Variants in NEDD1 observed in about 807,000 individuals in gnomAD.
The protein encoded by NEDD1 is protein NEDD1.
In NEDD1, 33 loss-of-function variants were observed where a neutral mutation model predicts 74.0. The ratio of observed to expected loss-of-function variants is 0.45; its 90% CI spans 0.34 to 0.60. The LOEUF (loss-of-function observed/expected upper bound fraction) is 0.60. Among genes scored for constraint, NEDD1 ranks in the 20% least tolerant of loss-of-function variants. NEDD1 has a pLI of 0.01. For missense variants in NEDD1, 746 were observed against 776.5 expected, an observed-to-expected ratio of 0.96 and a Z score of 0.47; for synonymous variants, 250 against 264.4, an observed-to-expected ratio of 0.95 and a Z score of 0.53.
At chr12:96,943,487 C>A (rs1199400054) in intron 11 of NEDD1, 73 bp from the exon 12 acceptor site, 4 of 946,826 alleles carry the variant, frequency 4.2e-6, no homozygotes, top group Non-Finnish European at 6.7e-6. Flanking sequence ...ATCTGCCTAT[C>A]ATGTTAAATG....
chr12:96,910,443 A>G (rs1281030544), intron 3 of NEDD1, among the ~76,000 whole-genome samples: 1 of 152,200 alleles, frequency 6.6e-6, no homozygotes, highest in Non-Finnish European at 1.5e-5. Flanking sequence ...CAGACATAGT[A>G]AAGTTACCTA....
At chr12:96,924,591 T>C (rs1875486606) in intron 6 of NEDD1, among the ~76,000 whole-genome samples, 1 of 152,170 alleles carries the variant, frequency 6.6e-6, no homozygotes, top group Non-Finnish European at 1.5e-5. Flanking sequence ...TTTGTTAAAT[T>C]TTATTTTCCT....
chr12:96,932,463 A>AAAAAAATATATATATATATATATATATAT, intron 6 of NEDD1, among the ~76,000 whole-genome samples: 1 of 9,436 alleles, frequency 1.1e-4, no homozygotes, highest in African/African-American at 3.4e-4. Context: ...AAAAAAAAAA[A>AAAAAAATATATATATATATATATATATAT]ATATATATAT....
chr12:96,943,576 G>A lies in NEDD1; in HGVS notation c.1311G>A (p.Pro437=), dbSNP rs780673796. 12 of 1,612,326 alleles carry A rather than the reference G, an allele frequency of 7.4e-6. No individual in the cohort carries two copies. Among genetic ancestry groups the A allele is most frequent in the East Asian group, 4.5e-5 (2 of 44,842 alleles). Residue 437 remains proline, a synonymous_variant, in exon 12 of 16, where the codon CCG becomes CCA. Transcript: ENST00000266742. ...IGKGDGFDFL[P]QLNSVFPPRK... The stretch of plus-strand genomic sequence containing the variant: ...CTTTTCCAGGCTTTGACTTTCTACC[G>A]CAGTTGAACTCAGTGTTTCCTCCAA...
At chr12:96,909,996 T>G (rs1873748109) in intron 3 of NEDD1, 101 bp downstream of exon 3, 1 of 1,276,908 alleles carries the variant, frequency 7.8e-7, no homozygotes, top group Non-Finnish European at 1.1e-6. Flanking sequence ...TCATACTGAG[T>G]AATGTGTTTT....
intron 10 of NEDD1, among the ~76,000 whole-genome samples, chr12:96,941,618 C>A (rs1366737081): frequency 2.0e-5 from 3 of 151,948 alleles, no homozygotes; most frequent in Non-Finnish European, 4.4e-5. Flanking sequence ...TGCTGAATTG[C>A]GAGTTTTGGC....
intron 9 of NEDD1, among the ~76,000 whole-genome samples, chr12:96,939,481 C>T (rs1170417087): frequency 1.3e-5 from 2 of 151,960 alleles, no homozygotes; most frequent in African/African-American, 2.4e-5. Context: ...TTTTATTCGC[C>T]AGTCTTGGGC....
In NEDD1 at chr12:96,944,692, A is replaced by G. The variant is rs768677341; in HGVS notation, c.1551A>G (p.Pro517=). 6.2e-6 allele frequency: 10 copies of G among 1,602,716 alleles called. No homozygotes were observed. The South Asian group carries it at 1.0e-4, about 16-fold the overall frequency. ...AAAGTGGAAATCTAAATACCTCTCC[A>G]TCATCTAACCAAACAAGAAATTCTG... ...GAESGNLNTS[P]SSNQTRNSEK... The change falls in exon 13 of 16, where the codon CCA becomes CCG. Residue 517 remains proline (P), a synonymous_variant. Coordinates refer to ENST00000266742, the MANE Select transcript of NEDD1 (RefSeq NM_152905.4).
intron 12 of NEDD1, among the ~76,000 whole-genome samples, chr12:96,944,360 G>A (rs1877979489): frequency 6.6e-6 from 1 of 151,806 alleles, no homozygotes; most frequent in African/African-American, 2.4e-5. Flanking sequence ...TTTTGTTTTT[G>A]TTTTGCCAGT....
chr12:96,946,017 T>G (rs531574325), intron 14 of NEDD1, among the ~76,000 whole-genome samples, 168 bp downstream of exon 14: 4 of 152,276 alleles, frequency 2.6e-5, no homozygotes, highest in Non-Finnish European at 5.9e-5. Flanking sequence ...CTGCATTTAT[T>G]GATTATGAGC....
chr12:96,912,135 A>G (rs987116098), intron 3 of NEDD1, among the ~76,000 whole-genome samples: 18 of 152,168 alleles, frequency 1.2e-4, no homozygotes, highest in African/African-American at 4.3e-4. Context: ...ATTAAAACTC[A>G]TAACACAATT....
chr12:96,909,653 A>T, intron 2 of NEDD1, 99 bp from the exon 3 acceptor site: 4 of 913,372 alleles, frequency 4.4e-6, no homozygotes. Flanking sequence ...ACAAAAATGA[A>T]TGAGTTAGAG....
In NEDD1 at chr12:96,909,858, A is replaced by ATGAT. The variant is rs1873721379; in HGVS notation, c.99_100insTGAT (p.Pro34Ter). 6.2e-7 allele frequency: 1 copy of ATGAT among 1,613,526 alleles called. No individual in the cohort carries two copies. The highest frequency in any genetic ancestry group is 1.7e-5 in the Admixed American group (1 of 59,960). On this transcript the variant is annotated stop_gained and frameshift_variant, in exon 3 of 16. Coordinates refer to ENST00000266742, the MANE Select transcript of NEDD1 (RefSeq NM_152905.4). LOFTEE classifies it high-confidence loss of function. ...TGGATAAATTCAACCCACACACATC[A>ATGAT]CCACATGGAATCAGCTCAATATGTT...
At chr12:96,909,501 A>AG (rs138610076) in intron 2 of NEDD1, among the ~76,000 whole-genome samples, 1,528 of 152,274 alleles carry the variant, frequency 0.01, 67 homozygotes, top group East Asian at 0.094. Context: ...CATGGGGGCC[A>AG]GGACATGTAA....
chr12:96,939,936 A>G (rs967450803), intron 9 of NEDD1, among the ~76,000 whole-genome samples: 1 of 152,042 alleles, frequency 6.6e-6, no homozygotes, highest in African/African-American at 2.4e-5. Flanking sequence ...ACTGCAAGTC[A>G]GGGAAGAAAA....
intron 14 of NEDD1, 90 bp from the exon 15 acceptor site, chr12:96,951,342 T>C (rs1878687449): frequency 1.1e-5 from 7 of 652,606 alleles, no homozygotes; most frequent in Admixed American, 2.6e-5. Flanking sequence ...TTCAGTAATT[T>C]GGCAAATGAA....
At chr12:96,927,368 A>G (rs1875827787) in intron 6 of NEDD1, among the ~76,000 whole-genome samples, 1 of 152,208 alleles carries the variant, frequency 6.6e-6, no homozygotes, top group East Asian at 1.9e-4. Flanking sequence ...TAAAGTTATT[A>G]GCTTTATGTG....
chr12:96,949,163 AAGGAAAAACAG>A (rs1294103968), intron 14 of NEDD1, among the ~76,000 whole-genome samples: 1 of 152,146 alleles, frequency 6.6e-6, no homozygotes, highest in African/African-American at 2.4e-5. Flanking sequence ...CATACTCTAG[AAGGAAAAACAG>A]AGGTAAATGA....
Position 96,935,134 on chromosome 12 carries a change from T to G in NEDD1, c.648T>G (p.Pro216=). The change falls in exon 7 of 16, where the codon CCT becomes CCG. Residue 216 remains proline (P), a synonymous_variant. Transcript: ENST00000266742. ...KAPASGICFS[P]VNELLFVTIG... ...CAGCGTCAGGCATCTGTTTTTCTCC[T>G]GTCAATGAATTGCTCTTTGTAACCA... 6.2e-6 allele frequency: 10 copies of G among 1,613,570 alleles called. No homozygotes were observed. The highest frequency in any genetic ancestry group is 8.5e-6 in the Non-Finnish European group (10 of 1,179,456).
Sources: allele counts gnomAD v4.1 joint callset (sites outside exome capture counted in the v4.1 genomes callset), GRCh38; gene constraint gnomAD v4.1.1; transcripts MANE v1.5; gene names NCBI Gene and HGNC (gene_info 2026-07-23, HGNC 2026-07-21).